Variants in VPS37A observed in about 807,000 individuals in gnomAD.
VPS37A encodes the protein vacuolar protein sorting-associated protein 37A.
Under a neutral mutation model 49.8 loss-of-function variants are expected in VPS37A, and 30 were observed. That is an observed-to-expected ratio of 0.60 (90% CI 0.45 to 0.82). The LOEUF (loss-of-function observed/expected upper bound fraction) is 0.82. Among genes scored for constraint, VPS37A ranks in the 40% least tolerant of loss-of-function variants. VPS37A has a pLI of 0.00. For missense variants in VPS37A, 593 were observed against 464.4 expected (o/e 1.28, Z -2.55); for synonymous variants, 195 against 160.6 (o/e 1.21, Z -1.62).
chr8:17,265,876 T>C (rs773823421), intron 1 of VPS37A, 31 bp from the exon 2 acceptor site: 150 of 1,612,640 alleles, frequency 9.3e-5, no homozygotes, highest in Non-Finnish European at 1.2e-4. Context: ...TTCATGACTT[T>C]GGGTAAATTT....
At chr8:17,269,314 T>G (rs905433114) in intron 4 of VPS37A, among the ~76,000 whole-genome samples, 1 of 152,182 alleles carries the variant, frequency 6.6e-6, no homozygotes, top group Non-Finnish European at 1.5e-5. Context: ...CCATATTTGG[T>G]GTATTTATTA....
At chr8:17,250,901 T>C (rs1285827225) in intron 1 of VPS37A, among the ~76,000 whole-genome samples, 4 of 152,320 alleles carry the variant, frequency 2.6e-5, no homozygotes, top group African/African-American at 9.6e-5. Context: ...GCTGTGAAAA[T>C]GGAAACTAGA....
At chr8:17,306,017 T>G (rs1817431038), downstream of VPS37A, 1 of 1,405,220 alleles carries the variant, frequency 7.1e-7, no homozygotes, top group Non-Finnish European at 9.8e-7. Context: ...TACAAAGCCA[T>G]AAATGCAAAA....
chr8:17,294,668 C>G (rs564443662), intron 11 of VPS37A, among the ~76,000 whole-genome samples: 1 of 152,154 alleles, frequency 6.6e-6, no homozygotes, highest in Non-Finnish European at 1.5e-5. Flanking sequence ...TCAAGGCTTC[C>G]CTTGGCTAGG....
At chr8:17,250,481 T>C (rs1334944237) in intron 1 of VPS37A, among the ~76,000 whole-genome samples, 2 of 152,228 alleles carry the variant, frequency 1.3e-5, no homozygotes, top group African/African-American at 4.8e-5. Flanking sequence ...TATCAATATC[T>C]TGTTACATGC....
At chr8:17,307,633 A>T in the VPS37A span, among the ~76,000 whole-genome samples, 1 of 152,190 alleles carries the variant, frequency 6.6e-6, no homozygotes, top group Non-Finnish European at 1.5e-5. Flanking sequence ...CTTGGAACCA[A>T]CCTATATGTC....
intron 6 of VPS37A, among the ~76,000 whole-genome samples, chr8:17,279,348 C>T (rs939991427): frequency 2.0e-5 from 3 of 152,130 alleles, no homozygotes; most frequent in African/African-American, 4.8e-5. Context: ...ACAGTAACTA[C>T]TCTGGCCTCT....
At chr8:17,253,003 A>C (rs923546960) in intron 1 of VPS37A, among the ~76,000 whole-genome samples, 2 of 152,224 alleles carry the variant, frequency 1.3e-5, no homozygotes, top group African/African-American at 4.8e-5. Flanking sequence ...ACCAGTGATT[A>C]AGACGTATAA....
Position 17,276,907 on chromosome 8 carries a change from G to A in VPS37A, c.713+440G>A, listed in dbSNP as rs61233960. Among the ~76,000 whole-genome samples, 703 of 152,026 alleles carry A rather than the reference G, an allele frequency of 4.6e-3. 3 individuals carry two copies. Among genetic ancestry groups the A allele is most frequent in the African/African-American group, 0.016 (671 of 41,504 alleles). ...ATCCAAACTTTTTTTCAAATTTATAGCAGAAAAGTTTATAATCAAATTTAA... is the reference window on the plus strand; with the variant it reads ...ATCCAAACTTTTTTTCAAATTTATAACAGAAAAGTTTATAATCAAATTTAA... On this transcript the variant is annotated intron_variant, in intron 6 of 11. Coordinates refer to ENST00000324849, the MANE Select transcript of VPS37A (RefSeq NM_152415.3).
chr8:17,319,429 G>A, the VPS37A span, among the ~76,000 whole-genome samples: 1 of 152,142 alleles, frequency 6.6e-6, no homozygotes. Context: ...ACATGTCAAC[G>A]CTGAAGCTCC....
chr8:17,269,412 G>T (rs1232625496), intron 4 of VPS37A, among the ~76,000 whole-genome samples: 1 of 151,778 alleles, frequency 6.6e-6, no homozygotes, highest in Admixed American at 6.6e-5. Context: ...CCTTTTTTCT[G>T]GAATTAATAA....
At chr8:17,326,177 G>A in the VPS37A span, 1 of 152,160 alleles carries the variant, frequency 6.6e-6, no homozygotes, top group African/African-American at 2.4e-5. Flanking sequence ...AAAGCCTGGT[G>A]GTTAAGAGTG....
chr8:17,272,093 T>A (rs1814049578), intron 4 of VPS37A: 1 of 456,460 alleles, frequency 2.2e-6, no homozygotes, highest in Non-Finnish European at 4.4e-6. Flanking sequence ...TATTATTGCA[T>A]GCAGCAGTAT....
rs770482140 is a variant in VPS37A, at chr8:17,252,971, T to C, written c.125+5602T>C. ...TAATTAAGTTAAAACTTTGACACAT[T>C]AAATTATATTGTCTATTTGTAACCA... On this transcript the variant is annotated intron_variant, in intron 1 of 11. Transcript: ENST00000324849. Among the ~76,000 whole-genome samples the C allele has an allele frequency of 1.8e-4, 28 of 152,308 alleles. 1 individual carries two copies. The Middle Eastern group carries it at 0.014, about 74-fold the overall frequency.
chr8:17,303,604 T>TAC (rs1563313996), downstream of VPS37A, among the ~76,000 whole-genome samples: 1 of 116,598 alleles, frequency 8.6e-6, no homozygotes, highest in Non-Finnish European at 1.7e-5. Context: ...TCCCCATACA[T>TAC]ACAATCTTTT....
At chr8:17,308,072 G>C in the VPS37A span, among the ~76,000 whole-genome samples, 464 of 149,480 alleles carry the variant, frequency 3.1e-3, 5 homozygotes, top group African/African-American at 0.011. Context: ...AAATGAGGAA[G>C]AAAAAAATAA....
At chr8:17,253,376 A>G (rs1812150394) in intron 1 of VPS37A, among the ~76,000 whole-genome samples, 1 of 152,188 alleles carries the variant, frequency 6.6e-6, no homozygotes, top group African/African-American at 2.4e-5. Context: ...CTAAAATTCA[A>G]ATTTGACCAT....
chr8:17,289,301 T>C (rs753483779), intron 11 of VPS37A, among the ~76,000 whole-genome samples: 18 of 152,226 alleles, frequency 1.2e-4, no homozygotes, highest in Non-Finnish European at 2.1e-4. Context: ...CTGAATGGTA[T>C]TGCCTAGGTT....
intron 1 of VPS37A, among the ~76,000 whole-genome samples, chr8:17,254,475 A>G (rs1219511174): frequency 6.6e-6 from 1 of 152,146 alleles, no homozygotes; most frequent in Non-Finnish European, 1.5e-5. Context: ...TTGATTAATT[A>G]CTCTGAGAAA....
Sources: gnomAD v4.1 joint callset for allele counts (sites outside exome capture counted in the v4.1 genomes callset) on GRCh38, gnomAD v4.1.1 for gene constraint, MANE v1.5 for transcripts, NCBI Gene and HGNC (gene_info 2026-07-23, HGNC 2026-07-21) for gene names.